The following RGS7 variants were observed in gnomAD, a reference collection of about 807,000 sequenced individuals.
RGS7 encodes the protein regulator of G protein signaling 7.
A neutral mutation model predicts 81.1 loss-of-function variants in RGS7; 27 were observed. The observed-to-expected ratio is 0.33, with a 90% CI of 0.25 to 0.46. The LOEUF (loss-of-function observed/expected upper bound fraction) is 0.46. RGS7 is among the 20% of genes least tolerant of loss of function. The probability of loss-of-function intolerance (pLI) is 1.00; values close to 1 mark genes in which losing one functional copy is unlikely to be tolerated. For synonymous variants in RGS7, 208 were observed against 207.7 expected (o/e 1.00, Z -0.01); for missense variants, 396 against 607.4 (o/e 0.65, Z 3.66).
chr1:240,934,682 G>T (rs1427338938), intron 5 of RGS7, among the ~76,000 whole-genome samples: 1 of 152,002 alleles, frequency 6.6e-6, no homozygotes, highest in Non-Finnish European at 1.5e-5. Flanking sequence ...TAATTTTAAT[G>T]TGTATATGTA....
rs111590677 is a variant in RGS7, at chr1:241,195,296, T to C, written c.79-96534A>G. On this transcript the variant is annotated intron_variant, in intron 2 of 18. Transcript: ENST00000440928. The stretch of plus-strand genomic sequence containing the variant: ...TTCGAGACCAGCCTGGCCAATGTGG[T>C]GAAACCCCGTCTCTACTAAAAATAC... Among the ~76,000 whole-genome samples the C allele has an allele frequency of 3.5e-3, 532 of 152,174 alleles. 2 individuals carry two copies. Among genetic ancestry groups the C allele is most frequent in the African/African-American group, 0.012 (504 of 41,540 alleles).
intron 2 of RGS7, among the ~76,000 whole-genome samples, chr1:241,146,456 C>T (rs933624059): frequency 7.2e-5 from 11 of 152,130 alleles, no homozygotes; most frequent in African/African-American, 2.4e-4. Context: ...TGAGAAACAA[C>T]GCTATGCTCT....
chr1:241,344,079 G>A lies in RGS7; in HGVS notation c.78+11620C>T, dbSNP rs56134609. Among the ~76,000 whole-genome samples, 1,397 of 152,148 alleles carry A rather than the reference G, an allele frequency of 9.2e-3. 25 individuals are homozygous for A. Among genetic ancestry groups the A allele is most frequent in the African/African-American group, 0.032 (1,328 of 41,488 alleles). On this transcript the variant is annotated intron_variant, in intron 2 of 18. Coordinates refer to ENST00000440928, the MANE Select transcript of RGS7 (RefSeq NM_001364886.1). ...AAAATTTATATCCTAAATGATATAC[G>A]GGATTTGCTTCAAAATAATCAACTG...
At chr1:241,155,123 T>G (rs551960613) in intron 2 of RGS7, among the ~76,000 whole-genome samples, 27 of 152,348 alleles carry the variant, frequency 1.8e-4, no homozygotes, top group African/African-American at 6.3e-4. Flanking sequence ...GTCTTTATTT[T>G]ATTTGTTATT....
At position 240,891,207 on chromosome 1, in the gene RGS7, G is replaced by A. The variant is rs866200197; in HGVS notation, c.386-21088C>T. On this transcript the variant is annotated intron_variant, in intron 6 of 18. Coordinates refer to ENST00000440928, the MANE Select transcript of RGS7 (RefSeq NM_001364886.1). ...TATTTTTTTCCAGCATCACTGGGGG[G>A]GTGGTTATGAAAATTGAAGGAAATT... is the stretch of plus-strand genomic sequence containing the variant. Among the ~76,000 whole-genome samples, 33 of 151,840 alleles carry A rather than the reference G, an allele frequency of 2.2e-4. No individual in the cohort carries two copies. In the Middle Eastern group the frequency reaches 0.01, roughly 47 times the overall value.
chr1:241,274,231 A>G (rs1414068833), intron 2 of RGS7, among the ~76,000 whole-genome samples: 2 of 152,220 alleles, frequency 1.3e-5, no homozygotes, highest in Non-Finnish European at 2.9e-5. Flanking sequence ...TGTCATCTTT[A>G]TATTTTCAGC....
intron 3 of RGS7, among the ~76,000 whole-genome samples, chr1:241,069,173 T>C (rs1037412993): frequency 3.9e-5 from 6 of 152,244 alleles, no homozygotes; most frequent in African/African-American, 1.4e-4. Flanking sequence ...TATAGAGATG[T>C]GGATACTTTT....
chr1:241,102,105 G>A (rs1037832216), intron 2 of RGS7, among the ~76,000 whole-genome samples: 7 of 152,200 alleles, frequency 4.6e-5, no homozygotes, highest in Admixed American at 2.0e-4. Context: ...GACTGAAAAC[G>A]TGATCATGTA....
At chr1:240,932,307 C>T (rs1270966645) in intron 5 of RGS7, among the ~76,000 whole-genome samples, 1 of 151,950 alleles carries the variant, frequency 6.6e-6, no homozygotes, top group African/African-American at 2.4e-5. Context: ...CGTAGGAATT[C>T]TGAAGAAAGA....
At chr1:240,859,575 G>C (rs1661817192) in intron 9 of RGS7, among the ~76,000 whole-genome samples, 1 of 149,488 alleles carries the variant, frequency 6.7e-6, no homozygotes, top group Non-Finnish European at 1.5e-5. Context: ...TTATATTTCT[G>C]ATATTAGTAA....
intron 13 of RGS7, among the ~76,000 whole-genome samples, chr1:240,813,019 T>C (rs1690146523): frequency 6.6e-6 from 1 of 152,174 alleles, no homozygotes; most frequent in Non-Finnish European, 1.5e-5. Context: ...GCTAGAAGTG[T>C]GACAGAGCAC....
chr1:241,091,340 A>G (rs980867636), intron 3 of RGS7, among the ~76,000 whole-genome samples: 3 of 151,272 alleles, frequency 2.0e-5, no homozygotes, highest in African/African-American at 7.3e-5. Flanking sequence ...CGAGGTAGGG[A>G]GATCGAGACC....
intron 2 of RGS7, among the ~76,000 whole-genome samples, chr1:241,147,780 T>TTTATATATA (rs1428939736): frequency 4.5e-5 from 2 of 44,604 alleles, no homozygotes; most frequent in Non-Finnish European, 9.1e-5. Flanking sequence ...AGATTAAGTT[T>TTTATATATA]TATATATATA....
intron 2 of RGS7, among the ~76,000 whole-genome samples, chr1:241,184,386 T>C (rs907984523): frequency 3.9e-5 from 6 of 152,168 alleles, no homozygotes; most frequent in Non-Finnish European, 4.4e-5. Context: ...CAGGTTGGTA[T>C]GACAAACAAT....
intron 3 of RGS7, among the ~76,000 whole-genome samples, chr1:241,004,765 C>A (rs1328128002): frequency 2.0e-5 from 3 of 152,158 alleles, no homozygotes; most frequent in African/African-American, 7.2e-5. Context: ...TGGGGCAGAG[C>A]TCTCTCTGGA....
At chr1:241,268,439 G>C (rs911755041) in intron 2 of RGS7, among the ~76,000 whole-genome samples, 1 of 152,128 alleles carries the variant, frequency 6.6e-6, no homozygotes, top group Non-Finnish European at 1.5e-5. Context: ...CCCCCAAGTT[G>C]TGCCAATGAA....
chr1:240,909,644 G>T (rs1471890887), intron 6 of RGS7, among the ~76,000 whole-genome samples: 1 of 152,212 alleles, frequency 6.6e-6, no homozygotes, highest in Non-Finnish European at 1.5e-5. Context: ...GAAAGGGCTG[G>T]ACTACGACAG....
At chr1:240,787,962 C>A (rs1685348063) in intron 18 of RGS7, among the ~76,000 whole-genome samples, 1 of 152,154 alleles carries the variant, frequency 6.6e-6, no homozygotes, top group African/African-American at 2.4e-5. Context: ...TATATGCTGG[C>A]TGGGCCATAT....
At chr1:240,785,410 T>C (rs1684898570) in intron 18 of RGS7, among the ~76,000 whole-genome samples, 1 of 152,266 alleles carries the variant, frequency 6.6e-6, no homozygotes, top group Non-Finnish European at 1.5e-5. Flanking sequence ...GAATTCTTCT[T>C]GCTGGTAGAA....
Sources: gnomAD v4.1 joint callset for allele counts (sites outside exome capture counted in the v4.1 genomes callset) on GRCh38, gnomAD v4.1.1 for gene constraint, MANE v1.5 for transcripts, NCBI Gene and HGNC (gene_info 2026-07-23, HGNC 2026-07-21) for gene names.